DYSF: variants seen among roughly 807,000 people sequenced by gnomAD.
DYSF encodes dystrophy-associated fer-1-like 1.
Under a neutral mutation model 274.9 loss-of-function variants are expected in DYSF, and 212 were observed. The observed-to-expected ratio is 0.77, with a 90% CI of 0.69 to 0.86. The LOEUF is 0.86. DYSF is among the 40% of genes least tolerant of loss of function. DYSF has a pLI of 0.00. For synonymous variants in DYSF, 1,091 were observed against 1,078.7 expected, an observed-to-expected ratio of 1.01 and a Z score of -0.22; for missense variants, 2,666 against 2,783.2, an observed-to-expected ratio of 0.96 and a Z score of 0.95.
At chr2:71,663,157 G>A (rs1262585068) in intron 45 of DYSF, among the ~76,000 whole-genome samples, 1 of 152,156 alleles carries the variant, frequency 6.6e-6, no homozygotes, top group Admixed American at 6.5e-5. Flanking sequence ...CAGTGTCTGG[G>A]CTGGGGAGAG....
intron 55 of DYSF, 118 bp from the exon 56 acceptor site, chr2:71,686,336 G>A: frequency 7.7e-7 from 1 of 1,301,438 alleles, no homozygotes; most frequent in Non-Finnish European, 1.1e-6. Flanking sequence ...TCCTCTCCCA[G>A]CCTCTTGCCT....
chr2:71,588,676 AC>A (rs2093153947), intron 30 of DYSF: 1 of 152,250 alleles, frequency 6.6e-6, no homozygotes, highest in South Asian at 2.1e-4. Flanking sequence ...TGGAGTAGAG[AC>A]CGTTTTATTA....
At chr2:71,572,548 C>G (rs1455452542) in intron 29 of DYSF, among the ~76,000 whole-genome samples, 1 of 152,226 alleles carries the variant, frequency 6.6e-6, no homozygotes, top group Non-Finnish European at 1.5e-5. Flanking sequence ...GGGCAGTGCC[C>G]TCGGGAGTGT....
intron 41 of DYSF, among the ~76,000 whole-genome samples, chr2:71,642,325 C>G (rs970932038): frequency 2.6e-5 from 4 of 152,138 alleles, no homozygotes; most frequent in African/African-American, 7.2e-5. Context: ...TCTGTGGGGG[C>G]ATATGTGTGT....
At chr2:71,480,613 G>C (rs1558962967) in intron 1 of DYSF, among the ~76,000 whole-genome samples, 1 of 152,102 alleles carries the variant, frequency 6.6e-6, no homozygotes, top group Non-Finnish European at 1.5e-5. Flanking sequence ...TAAAAAGTCA[G>C]AAATAACAAT....
intron 3 of DYSF, among the ~76,000 whole-genome samples, chr2:71,496,556 T>C (rs1481526848): frequency 6.6e-6 from 1 of 152,104 alleles, no homozygotes; most frequent in East Asian, 1.9e-4. Flanking sequence ...TGTACCGACA[T>C]AGACGGTAGG....
intron 1 of DYSF, among the ~76,000 whole-genome samples, chr2:71,456,093 C>G (rs1277107638): frequency 6.6e-6 from 1 of 152,184 alleles, no homozygotes; most frequent in Non-Finnish European, 1.5e-5. Context: ...CCCATTTACA[C>G]ATCCCTGGCT....
At chr2:71,473,830 C>G (rs1419680809) in intron 1 of DYSF, among the ~76,000 whole-genome samples, 2 of 152,152 alleles carry the variant, frequency 1.3e-5, no homozygotes, top group Non-Finnish European at 1.5e-5. Flanking sequence ...TGTCATCCTC[C>G]CCAGCTGAAA....
chr2:71,458,946 G>A (rs539378380), intron 1 of DYSF, among the ~76,000 whole-genome samples: 1 of 152,298 alleles, frequency 6.6e-6, no homozygotes, highest in Non-Finnish European at 1.5e-5. Context: ...TTTCCACTAT[G>A]CACGATTTCT....
At chr2:71,628,463 T>C (rs900617691) in intron 41 of DYSF, among the ~76,000 whole-genome samples, 6 of 152,154 alleles carry the variant, frequency 3.9e-5, no homozygotes, top group Non-Finnish European at 7.4e-5. Context: ...GTAGGGCCTA[T>C]TGAAATTCCT....
chr2:71,494,631 AG>A (rs1440309228), intron 3 of DYSF, among the ~76,000 whole-genome samples: 1 of 152,196 alleles, frequency 6.6e-6, no homozygotes, highest in Non-Finnish European at 1.5e-5. Context: ...GCATAACCCC[AG>A]GGCCACCACG....
chr2:71,592,599 T>C (rs562609027), intron 32 of DYSF, among the ~76,000 whole-genome samples: 28 of 151,812 alleles, frequency 1.8e-4, no homozygotes, highest in Non-Finnish European at 3.5e-4. Context: ...AGGAAACTCA[T>C]GTGTGAATCC....
chr2:71,576,510 G>A (rs1031014259), intron 30 of DYSF: 1 of 157,548 alleles, frequency 6.3e-6, no homozygotes, highest in African/African-American at 2.4e-5. Flanking sequence ...TTTGGGGAGG[G>A]AAGGGCCAGA....
intron 1 of DYSF, among the ~76,000 whole-genome samples, chr2:71,479,504 A>G (rs1183054604): frequency 6.6e-6 from 1 of 152,162 alleles, no homozygotes; most frequent in Non-Finnish European, 1.5e-5. Context: ...CCAGCCCAGT[A>G]AAGGACCAGG....
At chr2:71,630,385 G>A (rs1033271336) in intron 41 of DYSF, among the ~76,000 whole-genome samples, 2 of 152,200 alleles carry the variant, frequency 1.3e-5, no homozygotes, top group Non-Finnish European at 1.5e-5. Context: ...GAGCTGCTGC[G>A]CCTACCAATG....
At chr2:71,680,975 T>C in intron 53 of DYSF, 26 bp from the exon 54 acceptor site, 5 of 1,610,650 alleles carry the variant, frequency 3.1e-6, no homozygotes, top group Non-Finnish European at 4.2e-6. Context: ...TTCGTGCCCC[T>C]AACCAAGTGC....
At chr2:71,550,664 C>T (rs1202236985) in intron 17 of DYSF, among the ~76,000 whole-genome samples, 1 of 152,120 alleles carries the variant, frequency 6.6e-6, no homozygotes, top group African/African-American at 2.4e-5. Context: ...GGGAGGGGCA[C>T]GAGCAGTGGA....
Position 71,507,159 on chromosome 2 carries a change from C to T in DYSF, c.345+3840C>T, listed in dbSNP as rs547106168. Among the ~76,000 whole-genome samples the T allele has an allele frequency of 5.9e-5, 9 of 152,198 alleles. No homozygotes were observed. In the South Asian group the frequency reaches 1.2e-3, roughly 21 times the overall value. Reference sequence around the variant, plus strand: ...ACGGTGTGGAAGAGTTACACTCCGGCGGCTCCACCTCTCACAGAGATGGTG... The same window carrying T: ...ACGGTGTGGAAGAGTTACACTCCGGTGGCTCCACCTCTCACAGAGATGGTG... On this transcript the variant is annotated intron_variant, in intron 4 of 55. Transcript: ENST00000410020.
rs776766700 is a variant in DYSF at position 71,643,957 on chromosome 2, C to T, written c.4528-8C>T. On this transcript the variant is annotated splice_polypyrimidine_tract_variant and splice_region_variant and intron_variant, in intron 41 of 55. Coordinates refer to ENST00000410020, the MANE Select transcript of DYSF (RefSeq NM_001130987.2). ...TCTGAAATGGTCTCTTTCTTTCTAC[C>T]CACTCAGGAGGAAGAGTTCATCGAT... The T allele has an allele frequency of 1.0e-5, 16 of 1,602,382 alleles. No homozygotes were observed. The highest frequency in any genetic ancestry group is 1.7e-5 in the Admixed American group (1 of 58,932).
Sources: gnomAD v4.1 joint callset for allele counts (sites outside exome capture counted in the v4.1 genomes callset) on GRCh38, gnomAD v4.1.1 for gene constraint, MANE v1.5 for transcripts, NCBI Gene and HGNC (gene_info 2026-07-23, HGNC 2026-07-21) for gene names.